Variants in CIT observed in about 807,000 individuals in gnomAD.
CIT encodes the protein citron Rho-interacting kinase.
Under a neutral mutation model 272.7 loss-of-function variants are expected in CIT, and 79 were observed. That is an observed-to-expected ratio of 0.29 (90% CI 0.24 to 0.35). The LOEUF (loss-of-function observed/expected upper bound fraction) is 0.35, where lower values mean the gene tolerates loss of function less well. Ranked by LOEUF, CIT falls within the 10% of genes least tolerant of loss-of-function variation. The probability of loss-of-function intolerance (pLI) is 1.00; values close to 1 mark genes in which losing one functional copy is unlikely to be tolerated. For synonymous variants in CIT, 948 were observed against 995.6 expected, an observed-to-expected ratio of 0.95 and a Z score of 0.90; for missense variants, 1,909 against 2,618.3, an observed-to-expected ratio of 0.73 and a Z score of 5.91.
At chr12:119,761,487 C>T (rs181866307) in intron 19 of CIT, among the ~76,000 whole-genome samples, 2 of 152,248 alleles carry the variant, frequency 1.3e-5, no homozygotes, top group Admixed American at 1.3e-4. Context: ...ATATTCCTCA[C>T]TCCTAATTTA....
intron 1 of CIT, among the ~76,000 whole-genome samples, chr12:119,876,661 C>T (rs1950857796): frequency 6.6e-6 from 1 of 152,124 alleles, no homozygotes; most frequent in Non-Finnish European, 1.5e-5. Flanking sequence ...GAGAAGCCAC[C>T]ATTTGACCCA....
chr12:119,725,011 G>GA (rs1475915376), intron 28 of CIT, among the ~76,000 whole-genome samples: 4 of 150,010 alleles, frequency 2.7e-5, no homozygotes, highest in Non-Finnish European at 5.9e-5. Flanking sequence ...GGAAAAATGT[G>GA]AAAGATCCAT....
chr12:119,812,186 G>A (rs1966854036), intron 9 of CIT, among the ~76,000 whole-genome samples: 1 of 152,026 alleles, frequency 6.6e-6, no homozygotes, highest in African/African-American at 2.4e-5. Context: ...GACCTCAAGT[G>A]ATCCGTCCGC....
chr12:119,855,829 C>G (rs1246150786), intron 4 of CIT, among the ~76,000 whole-genome samples: 1 of 152,058 alleles, frequency 6.6e-6, no homozygotes, highest in Non-Finnish European at 1.5e-5. Context: ...GGATTATTTT[C>G]TTTTTACACG....
Position 119,783,980 on chromosome 12 carries a change from C to T in CIT, c.1473G>A (p.Val491=), listed in dbSNP as rs755632752. ...TCTGAGTCTCAGAGGCCTTCAGCTC[C>T]ACCTCCTTCTGACTAAGCACAGCCT... ...EVEAVLSQKE[V]ELKASETQRS... The change falls in exon 12 of 48, where the codon GTG becomes GTA. Residue 491 remains valine, a synonymous_variant. Coordinates refer to ENST00000392521, the MANE Select transcript of CIT (RefSeq NM_001206999.2). 6.2e-7 allele frequency: 1 copy of T among 1,613,356 alleles called. No individual in the cohort carries two copies. The highest frequency in any genetic ancestry group is 1.3e-5 in the African/African-American group (1 of 74,904).
intron 37 of CIT, chr12:119,711,045 T>C (rs763382673): frequency 7.3e-7 from 1 of 1,367,294 alleles, no homozygotes; most frequent in African/African-American, 1.5e-5. Context: ...CTGCATCTCT[T>C]TACCTGAACC....
intron 3 of CIT, among the ~76,000 whole-genome samples, chr12:119,868,620 C>T (rs1417360489): frequency 6.6e-6 from 1 of 152,216 alleles, no homozygotes; most frequent in Non-Finnish European, 1.5e-5. Flanking sequence ...CTCATTGAGC[C>T]TCAACCTCCC....
intron 41 of CIT, among the ~76,000 whole-genome samples, chr12:119,704,015 G>T (rs1027936741): frequency 6.6e-6 from 1 of 152,052 alleles, no homozygotes; most frequent in Non-Finnish European, 1.5e-5. Flanking sequence ...TGCTACCTGG[G>T]ACTGCTAGGA....
Position 119,752,250 on chromosome 12 carries a change from G to T in CIT, c.2707-3C>A. On this transcript the variant is annotated splice_polypyrimidine_tract_variant and splice_region_variant and intron_variant, in intron 22 of 47. Coordinates refer to ENST00000392521, the MANE Select transcript of CIT (RefSeq NM_001206999.2). ...TGCTCCTCGTGCTCTAGACTGACCT[G>T]AGACAGAGAGAGAGAGAGAAAGAGA... 6.3e-7 allele frequency: 1 copy of T among 1,576,680 alleles called. No homozygotes were observed.
intron 43 of CIT, 87 bp downstream of exon 43, chr12:119,701,537 A>C: frequency 1.3e-6 from 2 of 1,482,816 alleles, no homozygotes; most frequent in Non-Finnish European, 1.8e-6. Flanking sequence ...ATCCTGCCCC[A>C]GAGCTCCATG....
At chr12:119,834,380 G>T in intron 5 of CIT, 152 bp from the exon 6 acceptor site, 1 of 657,926 alleles carries the variant, frequency 1.5e-6, no homozygotes, top group South Asian at 2.2e-5. Flanking sequence ...CATGTAGGAT[G>T]AAGTCCCTGC....
At chr12:119,863,201 CAAAAAAAA>C (rs751421292) in intron 3 of CIT, among the ~76,000 whole-genome samples, 2 of 40,516 alleles carry the variant, frequency 4.9e-5, no homozygotes, top group Admixed American at 3.0e-4. Flanking sequence ...GACTCTGTAT[CAAAAAAAA>C]AAAAAAAAAA....
At chr12:119,789,838 T>C (rs1965149092) in intron 10 of CIT, among the ~76,000 whole-genome samples, 1 of 151,852 alleles carries the variant, frequency 6.6e-6, no homozygotes, top group Admixed American at 6.6e-5. Context: ...CCCGAGTAGC[T>C]GGGACTACAG....
At position 119,686,237 on chromosome 12, in the gene CIT, T is replaced by C; in HGVS notation, c.*1995A>G. 6.6e-6 allele frequency: 1 copy of C among 152,292 alleles called. No individual in the cohort carries two copies. The highest frequency in any genetic ancestry group is 1.5e-5 in the Non-Finnish European group (1 of 68,026). The allele number at this position is 152,292 out of a possible 1,614,324, so 9.4% of individuals were successfully genotyped here. Reference sequence around the variant, plus strand: ...TCACAGATGAGACACACAATATACATTTTCAGGGCTCAAGAAGCCCATTTC... The same window carrying C: ...TCACAGATGAGACACACAATATACACTTTCAGGGCTCAAGAAGCCCATTTC... On this transcript the variant is annotated 3_prime_UTR_variant, in exon 48 of 48. Transcript: ENST00000392521.
At chr12:119,865,337 T>A (rs1254889953) in intron 3 of CIT, among the ~76,000 whole-genome samples, 1 of 152,118 alleles carries the variant, frequency 6.6e-6, no homozygotes, top group Non-Finnish European at 1.5e-5. Flanking sequence ...TTCCTTCCCC[T>A]CCCACTCGCT....
At chr12:119,841,485 G>C (rs896297928) in intron 5 of CIT, among the ~76,000 whole-genome samples, 2 of 152,006 alleles carry the variant, frequency 1.3e-5, no homozygotes, top group Admixed American at 6.6e-5. Flanking sequence ...AAAAGCAGCT[G>C]TTTTAGCCTC....
intron 5 of CIT, among the ~76,000 whole-genome samples, chr12:119,840,955 AT>A (rs1449138803): frequency 5.3e-5 from 8 of 152,180 alleles, no homozygotes; most frequent in Non-Finnish European, 1.0e-4. Flanking sequence ...CCACTTTCAA[AT>A]TGTTCCTATA....
chr12:119,868,531 T>A (rs1033211228), intron 3 of CIT, among the ~76,000 whole-genome samples: 1 of 152,152 alleles, frequency 6.6e-6, no homozygotes, highest in Admixed American at 6.5e-5. Flanking sequence ...CTCAGTTTCA[T>A]GAGCCAATAA....
At position 119,690,122 on chromosome 12, in the gene CIT, G is replaced by C; in HGVS notation, c.6186+29C>G. On this transcript the variant is annotated intron_variant, in intron 47 of 47. Coordinates refer to ENST00000392521, the MANE Select transcript of CIT (RefSeq NM_001206999.2). This position sits in a 1 kb window ranked among gnomAD's most constrained non-coding sequence, Gnocchi z 6.0. ...CAAGTCACTCCTGGCCTCCGCAACA[G>C]ACACACAGGCCTCGGAATGCTGCCT... 2.1e-6 allele frequency: 3 copies of C among 1,445,462 alleles called. No individual in the cohort carries two copies. The highest frequency in any genetic ancestry group is 1.9e-4 in the Middle Eastern group (1 of 5,392). 89.5% of individuals were successfully genotyped at this position (1,445,462 alleles called of 1,614,324 possible).
Sources: allele counts gnomAD v4.1 joint callset (sites outside exome capture counted in the v4.1 genomes callset), GRCh38; gene constraint gnomAD v4.1.1; non-coding constraint Gnocchi (gnomAD v3.1); transcripts MANE v1.5; gene names NCBI Gene and HGNC (gene_info 2026-07-23, HGNC 2026-07-21).